PCBP2: variants seen among roughly 807,000 people sequenced by gnomAD.
The protein encoded by PCBP2 is poly(rC)-binding protein 2.
PCBP2 carries 4 observed loss-of-function variants against 50.1 expected under a neutral mutation model. The observed-to-expected ratio is 0.08, with a 90% CI of 0.04 to 0.18. PCBP2 has a LOEUF of 0.18. Among genes scored for constraint, PCBP2 ranks in the 10% least tolerant of loss-of-function variants. The pLI, the probability that PCBP2 is intolerant of heterozygous loss-of-function variation, is 1.00. For synonymous variants in PCBP2, 179 were observed against 168.0 expected, an observed-to-expected ratio of 1.07 and a Z score of -0.51; for missense variants, 161 against 474.3, an observed-to-expected ratio of 0.34 and a Z score of 6.14.
rs569378112 is a variant in PCBP2 at position 53,476,935 on chromosome 12, G to A, written c.1053-2471G>A. On this transcript the variant is annotated intron_variant, in intron 14 of 14. Coordinates refer to ENST00000546463, the MANE Select transcript of PCBP2 (RefSeq NM_031989.5). Reference sequence around the variant, plus strand: ...GGTTTTATCTAGTTCTTGATTGGAAGGCCTCTTAACCTAATGGCTATTCCC... The same window carrying A: ...GGTTTTATCTAGTTCTTGATTGGAAAGCCTCTTAACCTAATGGCTATTCCC... Among the ~76,000 whole-genome samples the A allele has an allele frequency of 2.6e-3, 401 of 152,262 alleles. 6 individuals carry two copies. In the South Asian group the frequency reaches 0.032, roughly 12 times the overall value.
At position 53,481,136 on chromosome 12, in the gene PCBP2, T is replaced by A. The variant is rs998160198; in HGVS notation, c.*1694T>A. 2 of 762,954 alleles carry A rather than the reference T, an allele frequency of 2.6e-6. No individual in the cohort carries two copies. Among genetic ancestry groups the A allele is most frequent in the Non-Finnish European group, 1.8e-6 (1 of 568,120 alleles). The allele number at this position is 762,954 out of a possible 1,614,324, so 47.3% of individuals were successfully genotyped here. On this transcript the variant is annotated 3_prime_UTR_variant, in exon 15 of 15. Transcript: ENST00000546463. The stretch of plus-strand genomic sequence containing the variant: ...ATATATATATATATGTATATATATA[T>A]AATTTATATAAATATTTCTCTATGT...
At chr12:53,468,715 T>G in intron 12 of PCBP2, 62 bp from the exon 13 acceptor site, 1 of 1,204,544 alleles carries the variant, frequency 8.3e-7, no homozygotes, top group Non-Finnish European at 1.2e-6. Context: ...TAGTTTAATG[T>G]GCAAGTCAGT....
Position 53,479,243 on chromosome 12 carries a change from A to G in PCBP2, c.1053-163A>G, listed in dbSNP as rs1422640192. ...ATAGACCTCCACATGCTTGAATTGC[A>G]AGGATTAAAGGATCATGGTACTGGT... On this transcript the variant is annotated intron_variant, in intron 14 of 14. Coordinates refer to ENST00000546463, the MANE Select transcript of PCBP2 (RefSeq NM_031989.5). Among the ~76,000 whole-genome samples, 3 of 152,212 alleles carry G rather than the reference A, an allele frequency of 2.0e-5. No individual in the cohort carries two copies. In the East Asian group the frequency reaches 5.8e-4, roughly 29 times the overall value.
At chr12:53,470,664 A>G (rs1273502968) in intron 13 of PCBP2, among the ~76,000 whole-genome samples, 3 of 151,774 alleles carry the variant, frequency 2.0e-5, no homozygotes, top group African/African-American at 4.8e-5. Flanking sequence ...GGCATGAGCC[A>G]CGGTCCCCCA....
Position 53,471,776 on chromosome 12 carries a change from A to G in PCBP2, c.1021A>G (p.Ile341Val). Residue 341 changes from isoleucine (I) to valine (V), a missense_variant, in exon 14 of 15, where the codon ATT (isoleucine) becomes GTT (valine). Around this residue, in one of 7 missense-constraint regions of PCBP2, gnomAD observed 51 missense variants for 193.0 expected, o/e 0.26. Transcript: ENST00000546463. ...TACCATCACTGGATCTGCTGCCAGCATTAGCCTGGCTCAATATCTAATCAA... is the reference window on the plus strand; with the variant it reads ...TACCATCACTGGATCTGCTGCCAGCGTTAGCCTGGCTCAATATCTAATCAA... ...QVTITGSAAS[I>V]SLAQYLINVR... 1 of 1,613,086 alleles carries G rather than the reference A, an allele frequency of 6.2e-7. No individual in the cohort carries two copies. Among genetic ancestry groups the G allele is most frequent in the Non-Finnish European group, 8.5e-7 (1 of 1,179,870 alleles).
chr12:53,477,039 C>T (rs1942632993), intron 14 of PCBP2, among the ~76,000 whole-genome samples: 1 of 152,122 alleles, frequency 6.6e-6, no homozygotes, highest in Non-Finnish European at 1.5e-5. Flanking sequence ...TTTTTTTAAA[C>T]CCTAGAGCTC....
chr12:53,462,142 C>G (rs1013756129), intron 7 of PCBP2, among the ~76,000 whole-genome samples: 2 of 152,068 alleles, frequency 1.3e-5, no homozygotes, highest in African/African-American at 4.8e-5. Flanking sequence ...ATTTCCTATT[C>G]AGGCCAAAAA....
rs544547232 is a variant in PCBP2 at position 53,461,873 on chromosome 12, A to G, written c.505-620A>G. Among the ~76,000 whole-genome samples, 3 of 152,034 alleles carry G rather than the reference A, an allele frequency of 2.0e-5. No individual in the cohort carries two copies. In the East Asian group the frequency reaches 5.8e-4, roughly 29 times the overall value. On this transcript the variant is annotated intron_variant, in intron 7 of 14. Coordinates refer to ENST00000546463, the MANE Select transcript of PCBP2 (RefSeq NM_031989.5). ...CAGGCATGCGCCACCACACCTGGCT[A>G]ATTTTTTTTATTTTTTGTAGAGACG...
Position 53,452,141 on chromosome 12 carries a change from T to A in PCBP2, c.-311T>A, listed in dbSNP as rs1405267090. 8.1e-6 allele frequency: 1 copy of A among 123,488 alleles called. No individual in the cohort carries two copies. The allele number at this position is 123,488 out of a possible 1,614,324, so 7.6% of individuals were successfully genotyped here. On this transcript the variant is annotated 5_prime_UTR_variant, in exon 1 of 15. Coordinates refer to ENST00000546463, the MANE Select transcript of PCBP2 (RefSeq NM_031989.5). ...GGCAGCAGCCGGAGCAGCCGCAGCC[T>A]GCGCCCTCTCCCGCCCGCCCGCCCT...
intron 5 of PCBP2, among the ~76,000 whole-genome samples, chr12:53,458,964 T>C (rs901942210): frequency 1.3e-5 from 2 of 152,184 alleles, no homozygotes; most frequent in Admixed American, 6.5e-5. Flanking sequence ...TTTGACATCA[T>C]CTTTTTTCCC....
chr12:53,461,593 T>A (rs1420503796), intron 7 of PCBP2, among the ~76,000 whole-genome samples: 1 of 152,230 alleles, frequency 6.6e-6, no homozygotes, highest in East Asian at 1.9e-4. Context: ...CCGAATGACT[T>A]ACAAGGTCCT....
At chr12:53,465,078 C>A in intron 9 of PCBP2, 1 of 400,286 alleles carries the variant, frequency 2.5e-6, no homozygotes, top group Non-Finnish European at 4.3e-6. Flanking sequence ...TTGTTCAACC[C>A]CTCTTCCCCT....
chr12:53,473,657 A>G (rs1942384523), intron 14 of PCBP2, among the ~76,000 whole-genome samples: 1 of 152,208 alleles, frequency 6.6e-6, no homozygotes, highest in African/African-American at 2.4e-5. Context: ...GCCATGGATT[A>G]GGGTCAAAAC....
At chr12:53,477,468 A>G (rs1482330511) in intron 14 of PCBP2, among the ~76,000 whole-genome samples, 1 of 151,980 alleles carries the variant, frequency 6.6e-6, no homozygotes, top group Non-Finnish European at 1.5e-5. Context: ...GATCAAGACC[A>G]TCCTGGCTAA....
At chr12:53,473,103 G>A (rs1026671527) in intron 14 of PCBP2, among the ~76,000 whole-genome samples, 1 of 94,264 alleles carries the variant, frequency 1.1e-5, no homozygotes, top group Non-Finnish European at 2.1e-5. Context: ...TTTTTTTTTT[G>A]AGACGGAGTC....
intron 14 of PCBP2, among the ~76,000 whole-genome samples, chr12:53,474,411 A>T (rs1942440793): frequency 1.3e-5 from 2 of 152,260 alleles, no homozygotes; most frequent in Non-Finnish European, 2.9e-5. Context: ...AAGGATTTTT[A>T]AAAATTCTGC....
At position 53,462,581 on chromosome 12, in the gene PCBP2, C is replaced by T; in HGVS notation, c.579+14C>T. The T allele has an allele frequency of 6.2e-7, 1 of 1,602,048 alleles. No homozygotes were observed. Among genetic ancestry groups the T allele is most frequent in the South Asian group, 1.1e-5 (1 of 90,652 alleles). ...GCAGGTGGTCAGGTAAGAAAATTCT[C>T]ATTTGTGGGCTAGAATGAACAGAGA... On this transcript the variant is annotated intron_variant, in intron 8 of 14. Transcript: ENST00000546463.
intron 8 of PCBP2, among the ~76,000 whole-genome samples, 194 bp downstream of exon 8, chr12:53,462,761 T>C (rs1941537149): frequency 6.6e-6 from 1 of 152,204 alleles, no homozygotes; most frequent in Admixed American, 6.5e-5. Context: ...ATGGAAGTTT[T>C]GTAGGCACTC....
At chr12:53,453,274 C>T (rs1181670019) in intron 1 of PCBP2, 5 of 148,636 alleles carry the variant, frequency 3.4e-5, no homozygotes, top group Non-Finnish European at 5.9e-5. Flanking sequence ...CCTATTACAT[C>T]TGCAAGAGGG....
Sources: allele counts gnomAD v4.1 joint callset (sites outside exome capture counted in the v4.1 genomes callset), GRCh38; gene constraint gnomAD v4.1.1; regional missense constraint gnomAD v4.1.1; transcripts MANE v1.5; gene names NCBI Gene and HGNC (gene_info 2026-07-23, HGNC 2026-07-21).